The following RANBP2 variants were observed in gnomAD, a reference collection of about 807,000 sequenced individuals.
RANBP2 encodes the protein E3 SUMO-protein ligase RanBP2.
Under a neutral mutation model 303.6 loss-of-function variants are expected in RANBP2, and 57 were observed. The observed-to-expected ratio is 0.19, with a 90% CI of 0.15 to 0.23. The LOEUF (loss-of-function observed/expected upper bound fraction) is 0.23. Among genes scored for constraint, RANBP2 ranks in the 10% least tolerant of loss-of-function variants. The pLI, the probability that RANBP2 is intolerant of heterozygous loss-of-function variation, is 1.00. For missense variants in RANBP2, 3,138 were observed against 3,780.8 expected (o/e 0.83, Z 4.46); for synonymous variants, 1,167 against 1,301.5 (o/e 0.90, Z 2.23).
the RANBP2 span, chr2:109,128,902 C>T: frequency 3.0e-6 from 1 of 330,312 alleles, no homozygotes; most frequent in Non-Finnish European, 6.2e-6. Context: ...GGCTTGCGCC[C>T]AAGCGAAGGG....
the RANBP2 span, among the ~76,000 whole-genome samples, chr2:109,147,352 T>C: frequency 6.6e-6 from 1 of 152,230 alleles, no homozygotes; most frequent in Non-Finnish European, 1.5e-5. Flanking sequence ...AGACTATCTC[T>C]GCGCTGATAA....
the RANBP2 span, among the ~76,000 whole-genome samples, chr2:109,036,316 A>G: frequency 5.3e-5 from 8 of 152,366 alleles, no homozygotes; most frequent in South Asian, 1.7e-3. Flanking sequence ...AGTAAAAGAA[A>G]GAACGTTTCC....
the RANBP2 span, among the ~76,000 whole-genome samples, chr2:109,168,512 G>A: frequency 5.8e-4 from 88 of 152,336 alleles, no homozygotes; most frequent in Admixed American, 7.8e-4. Context: ...CCTGTTCAGA[G>A]GGGGACCTTC....
At chr2:109,677,585 A>G in the RANBP2 span, among the ~76,000 whole-genome samples, 1 of 152,132 alleles carries the variant, frequency 6.6e-6, no homozygotes, top group Non-Finnish European at 1.5e-5. Context: ...TTAAAAATCC[A>G]TATCACTCTT....
the RANBP2 span, among the ~76,000 whole-genome samples, chr2:109,075,084 G>C: frequency 6.9e-6 from 1 of 145,962 alleles, no homozygotes; most frequent in Non-Finnish European, 1.5e-5. Context: ...AGTAAATTGA[G>C]CTAATGTCGT....
chr2:108,957,810 T>G, the RANBP2 span, among the ~76,000 whole-genome samples: 2 of 152,240 alleles, frequency 1.3e-5, no homozygotes, highest in Non-Finnish European at 2.9e-5. Flanking sequence ...CTCCTCTAAT[T>G]GATGCAGCTG....
the RANBP2 span, among the ~76,000 whole-genome samples, chr2:109,580,207 G>T: frequency 1.3e-5 from 2 of 151,230 alleles, no homozygotes; most frequent in African/African-American, 2.4e-5. Context: ...GAAAAATATA[G>T]CATAATATAA....
At chr2:109,432,312 C>G in the RANBP2 span, among the ~76,000 whole-genome samples, 2 of 152,140 alleles carry the variant, frequency 1.3e-5, no homozygotes, top group Non-Finnish European at 2.9e-5. Context: ...CTCCCTGCCT[C>G]GTGGGTTTGT....
At chr2:109,117,027 G>A in the RANBP2 span, among the ~76,000 whole-genome samples, 3 of 152,238 alleles carry the variant, frequency 2.0e-5, no homozygotes, top group Admixed American at 6.5e-5. Context: ...CGTGTGAGGT[G>A]TCAGTCTGCC....
the RANBP2 span, among the ~76,000 whole-genome samples, chr2:108,962,535 C>T: frequency 1.3e-5 from 2 of 151,728 alleles, no homozygotes; most frequent in Non-Finnish European, 1.5e-5. Context: ...ATTAGCCGGG[C>T]GTGGTGGCGG....
the RANBP2 span, among the ~76,000 whole-genome samples, chr2:108,903,872 G>C: frequency 2.0e-5 from 3 of 152,096 alleles, no homozygotes; most frequent in Non-Finnish European, 2.9e-5. Flanking sequence ...GCAAATCTCT[G>C]GGATCTAGGA....
chr2:108,964,385 C>T, the RANBP2 span, among the ~76,000 whole-genome samples: 4 of 152,258 alleles, frequency 2.6e-5, no homozygotes, highest in Admixed American at 2.0e-4. Context: ...AGCAGTCCCA[C>T]TAACAGGGAA....
the RANBP2 span, among the ~76,000 whole-genome samples, chr2:108,856,084 A>C: frequency 1.3e-5 from 2 of 152,190 alleles, no homozygotes; most frequent in Admixed American, 1.3e-4. Context: ...TGATGCAAGT[A>C]TCTTACTACT....
the RANBP2 span, among the ~76,000 whole-genome samples, chr2:108,836,053 T>C: frequency 6.6e-6 from 1 of 152,184 alleles, no homozygotes; most frequent in African/African-American, 2.4e-5. Context: ...ACGTAAACAC[T>C]TCCCAGTAGA....
the RANBP2 span, among the ~76,000 whole-genome samples, chr2:109,595,905 T>C: frequency 6.6e-6 from 1 of 152,208 alleles, no homozygotes; most frequent in East Asian, 1.9e-4. Flanking sequence ...ATGCTTGTCG[T>C]TAATTCCGGA....
chr2:109,175,097 C>CT, the RANBP2 span, among the ~76,000 whole-genome samples: 1 of 83,248 alleles, frequency 1.2e-5, no homozygotes, highest in East Asian at 5.7e-4. Flanking sequence ...CTAAGAAGTG[C>CT]ATTCATGCCT....
the RANBP2 span, among the ~76,000 whole-genome samples, chr2:109,395,173 A>G: frequency 6.6e-6 from 1 of 152,140 alleles, no homozygotes; most frequent in Non-Finnish European, 1.5e-5. Flanking sequence ...TGCGTGCGCT[A>G]CTCGCATGCC....
the RANBP2 span, among the ~76,000 whole-genome samples, chr2:109,306,104 TA>T: frequency 6.6e-6 from 1 of 152,200 alleles, no homozygotes; most frequent in Non-Finnish European, 1.5e-5. Context: ...TACCTCACGC[TA>T]AAGTTGTTTC....
chr2:108,739,551 T>A (rs1695903407), intron 6 of RANBP2, among the ~76,000 whole-genome samples: 1 of 152,230 alleles, frequency 6.6e-6, no homozygotes, highest in Admixed American at 6.5e-5. Context: ...TCTTTAGACC[T>A]CACTTGCTCT....
Sources: gnomAD v4.1 joint callset for allele counts (sites outside exome capture counted in the v4.1 genomes callset) on GRCh38, gnomAD v4.1.1 for gene constraint, MANE v1.5 for transcripts, NCBI Gene and HGNC (gene_info 2026-07-23, HGNC 2026-07-21) for gene names.